INTS6: variants seen among roughly 807,000 people sequenced by gnomAD.
INTS6 encodes the protein DEAD box protein.
INTS6 carries 16 observed loss-of-function variants against 104.9 expected under a neutral mutation model. The ratio of observed to expected loss-of-function variants is 0.15; its 90% CI spans 0.10 to 0.23. The LOEUF is 0.23. INTS6 is among the 10% of genes least tolerant of loss of function. The pLI is 1.00. For synonymous variants in INTS6, 324 were observed against 358.7 expected (o/e 0.90, Z 1.09); for missense variants, 584 against 1,062.8 (o/e 0.55, Z 6.26).
rs1593754687 is a variant in INTS6, at chr13:51,430,167, A to T, written c.429+127T>A. 8.3e-6 allele frequency: 6 copies of T among 726,646 alleles called. No individual in the cohort carries two copies. In the East Asian group the frequency reaches 1.0e-4, roughly 12 times the overall value. The allele number at this position is 726,646 out of a possible 1,614,324, so 45.0% of individuals were successfully genotyped here. A position where few individuals can be genotyped will look rare whatever the true frequency, so the allele number is the denominator to read the frequency against. ...GCTACAAACAAAGATGGGCCATAGGAGACAGATGACTCTAAATTGCATCAA... is the reference window on the plus strand; with the variant it reads ...GCTACAAACAAAGATGGGCCATAGGTGACAGATGACTCTAAATTGCATCAA... On this transcript the variant is annotated intron_variant, in intron 4 of 17. Transcript: ENST00000311234.
chr13:51,378,195 A>G (rs758269786), intron 12 of INTS6, 44 bp downstream of exon 12: 8 of 1,374,368 alleles, frequency 5.8e-6, no homozygotes, highest in Admixed American at 5.1e-5. Flanking sequence ...ATCCAGTAAC[A>G]TAACAGAACA....
In INTS6 at chr13:51,369,082, C is replaced by T. The variant is rs776006699; in HGVS notation, c.2333G>A (p.Arg778Lys). ...CTCTTCAGCACATTGTTCTTTATCT[C>T]TTGGCTCCTCATGATTTTCTAAAAA... ...GGFLENHEEPRDKEQCAEENI... is the reference protein window; with the variant it reads ...GGFLENHEEPKDKEQCAEENI... Residue 778 changes from arginine (R) to lysine (K), a missense_variant, in exon 16 of 18, where the codon AGA becomes AAA. Arg to Lys is a conservative substitution (Grantham distance 26). Coordinates refer to ENST00000311234, the MANE Select transcript of INTS6 (RefSeq NM_012141.3). The T allele has an allele frequency of 1.2e-6, 2 of 1,613,822 alleles. No homozygotes were observed. The highest frequency in any genetic ancestry group is 3.3e-5 in the Admixed American group (2 of 60,000).
intron 7 of INTS6, among the ~76,000 whole-genome samples, chr13:51,386,772 A>C (rs1956146677): frequency 6.7e-6 from 1 of 148,682 alleles, no homozygotes; most frequent in Non-Finnish European, 1.5e-5. Flanking sequence ...GAAAAAAAAT[A>C]TGGAAAAAAA....
At chr13:51,390,179 G>T (rs1218953062) in intron 5 of INTS6, among the ~76,000 whole-genome samples, 1 of 151,828 alleles carries the variant, frequency 6.6e-6, no homozygotes, top group Non-Finnish European at 1.5e-5. Flanking sequence ...CTAGACCTTT[G>T]CTATACAATA....
intron 7 of INTS6, chr13:51,384,441 AAATGTC>A: frequency 3.8e-6 from 1 of 266,250 alleles, no homozygotes; most frequent in East Asian, 1.0e-4. Flanking sequence ...AAATAATTTT[AAATGTC>A]ATAGCTATAA....
intron 7 of INTS6, among the ~76,000 whole-genome samples, chr13:51,386,981 C>G (rs574870643): frequency 1.9e-4 from 29 of 152,136 alleles, no homozygotes; most frequent in African/African-American, 6.3e-4. Context: ...TAACTAAAAC[C>G]ATACATATCA....
At chr13:51,354,160 C>T (rs963370434) in exon 4 of INTS6, 2 of 151,964 alleles carry the variant, frequency 1.3e-5, no homozygotes, top group African/African-American at 4.8e-5. Flanking sequence ...AGTCAACAGC[C>T]TCTTTTCTGC....
chr13:51,431,878 T>TTTCC (rs1192128694), intron 3 of INTS6, among the ~76,000 whole-genome samples: 1 of 152,162 alleles, frequency 6.6e-6, no homozygotes, highest in Admixed American at 6.5e-5. Context: ...TATCCCTCCT[T>TTTCC]TTCCTCTGTA....
intron 3 of INTS6, chr13:51,354,372 A>C (rs924127648): frequency 3.9e-5 from 6 of 152,182 alleles, no homozygotes; most frequent in African/African-American, 1.4e-4. Context: ...TAGTTATATG[A>C]AGATGAAATG....
At chr13:51,383,165 T>C (rs1956084310) in intron 9 of INTS6, among the ~76,000 whole-genome samples, 164 bp downstream of exon 9, 1 of 151,130 alleles carries the variant, frequency 6.6e-6, no homozygotes, top group African/African-American at 2.4e-5. Flanking sequence ...TTTAATTTAC[T>C]GTAAACACGA....
chr13:51,449,568 G>GA, intron 3 of INTS6: 1 of 985,132 alleles, frequency 1.0e-6, no homozygotes, highest in Non-Finnish European at 1.2e-6. Context: ...AGAAAAAGAG[G>GA]AAACTAATAG....
intron 5 of INTS6, among the ~76,000 whole-genome samples, chr13:51,392,842 T>A (rs1289299097): frequency 6.6e-6 from 1 of 152,076 alleles, no homozygotes; most frequent in Non-Finnish European, 1.5e-5. Context: ...CCTGCTGTAC[T>A]CCCAACACCC....
chr13:51,348,386 G>A, the INTS6 span: 2 of 1,613,698 alleles, frequency 1.2e-6, no homozygotes, highest in Non-Finnish European at 1.7e-6. Context: ...CCTGAGGAGA[G>A]CCAGGATGGA....
At chr13:51,354,591 G>GAAA (rs11318595) in intron 3 of INTS6, among the ~76,000 whole-genome samples, 1 of 129,998 alleles carries the variant, frequency 7.7e-6, no homozygotes, top group African/African-American at 2.9e-5. Flanking sequence ...CCCCATCTCA[G>GAAA]AAAAAAAAAA....
intron 3 of INTS6, chr13:51,438,626 C>T (rs544759973): frequency 6.6e-6 from 1 of 152,212 alleles, no homozygotes; most frequent in Admixed American, 6.5e-5. Context: ...AAATAAAGAC[C>T]TTCTATTCTT....
intron 5 of INTS6, among the ~76,000 whole-genome samples, chr13:51,391,076 A>G (rs1956237664): frequency 6.6e-6 from 1 of 152,154 alleles, no homozygotes; most frequent in Non-Finnish European, 1.5e-5. Context: ...AAAATACAGC[A>G]TCTATATGAA....
At chr13:51,392,481 A>T (rs1388425696) in intron 5 of INTS6, among the ~76,000 whole-genome samples, 3 of 151,672 alleles carry the variant, frequency 2.0e-5, no homozygotes, top group African/African-American at 7.3e-5. Context: ...CCTAGCTATT[A>T]CTCTATTCCT....
rs1255817768 is a variant in INTS6 at position 51,451,809 on chromosome 13, T to G, written c.189+169A>C. On this transcript the variant is annotated intron_variant, in intron 2 of 17. Coordinates refer to ENST00000311234, the MANE Select transcript of INTS6 (RefSeq NM_012141.3). ...GCGACTCCGCGCCGCGCTAGGACGC[T>G]GCCGAGCGGGGGAGGGGGTGGGAGC... Among the ~76,000 whole-genome samples the G allele has an allele frequency of 2.1e-5, 3 of 141,588 alleles. No homozygotes were observed. The East Asian group carries it at 7.0e-4, about 33-fold the overall frequency. 92.9% of individuals were successfully genotyped at this position (141,588 alleles called of 152,430 possible).
In INTS6 at chr13:51,363,914, A is replaced by T. The variant is rs1477157812; in HGVS notation, c.*1838T>A. On this transcript the variant is annotated 3_prime_UTR_variant, in exon 18 of 18. Coordinates refer to ENST00000311234, the MANE Select transcript of INTS6 (RefSeq NM_012141.3). Reference sequence around the variant, plus strand: ...GTGAAACAGAAAATAAAACTTTCTGATAAGGAAAGCTGCTCAATATTGGGA... The same window carrying T: ...GTGAAACAGAAAATAAAACTTTCTGTTAAGGAAAGCTGCTCAATATTGGGA... 5.5e-6 allele frequency: 1 copy of T among 180,284 alleles called. No individual in the cohort carries two copies. The highest frequency in any genetic ancestry group is 1.1e-5 in the Non-Finnish European group (1 of 87,326). The allele number at this position is 180,284 out of a possible 1,614,324, so 11.2% of individuals were successfully genotyped here.
Sources: allele counts gnomAD v4.1 joint callset (sites outside exome capture counted in the v4.1 genomes callset), GRCh38; gene constraint gnomAD v4.1.1; transcripts MANE v1.5; gene names NCBI Gene and HGNC (gene_info 2026-07-23, HGNC 2026-07-21).